ZFPM2: variants seen among roughly 807,000 people sequenced by gnomAD.
ZFPM2 encodes zinc finger protein ZFPM2.
ZFPM2 carries 20 observed loss-of-function variants against 98.6 expected under a neutral mutation model. The ratio of observed to expected loss-of-function variants is 0.20; its 90% CI spans 0.14 to 0.29. The LOEUF (loss-of-function observed/expected upper bound fraction) is 0.29. Ranked by LOEUF, ZFPM2 falls within the 10% of genes least tolerant of loss-of-function variation. The pLI, the probability that ZFPM2 is intolerant of heterozygous loss-of-function variation, is 1.00. For synonymous variants in ZFPM2, 518 were observed against 502.7 expected, an observed-to-expected ratio of 1.03 and a Z score of -0.41; for missense variants, 1,310 against 1,388.6, an observed-to-expected ratio of 0.94 and a Z score of 0.90.
intron 3 of ZFPM2, among the ~76,000 whole-genome samples, chr8:105,521,583 C>CT (rs796280074): frequency 0.044 from 6,474 of 146,526 alleles, 453 homozygotes; most frequent in African/African-American, 0.15. Flanking sequence ...GTGAAACTTT[C>CT]TTTTTTTTTT....
chr8:105,500,168 T>C (rs1813560518), intron 3 of ZFPM2, among the ~76,000 whole-genome samples: 1 of 152,226 alleles, frequency 6.6e-6, no homozygotes, highest in Non-Finnish European at 1.5e-5. Flanking sequence ...ATAATTGTGA[T>C]AATTTAATGA....
chr8:105,420,268 C>G (rs1434291161), intron 2 of ZFPM2, among the ~76,000 whole-genome samples: 3 of 151,876 alleles, frequency 2.0e-5, no homozygotes, highest in Non-Finnish European at 4.4e-5. Flanking sequence ...TTCATAGTCT[C>G]AAATCAAGAG....
intron 1 of ZFPM2, among the ~76,000 whole-genome samples, chr8:105,406,327 T>TGA (rs1811458627): frequency 6.6e-6 from 1 of 152,116 alleles, no homozygotes; most frequent in Non-Finnish European, 1.5e-5. Flanking sequence ...TTGCTTTTGG[T>TGA]GTTTTAAACA....
intron 1 of ZFPM2, among the ~76,000 whole-genome samples, chr8:105,374,684 C>T (rs565916743): frequency 3.9e-5 from 6 of 152,060 alleles, no homozygotes; most frequent in Admixed American, 1.3e-4. Context: ...GGTAGTGTCA[C>T]AGGTGAGGAG....
At chr8:105,584,223 ATG>A (rs1283745130) in intron 4 of ZFPM2, among the ~76,000 whole-genome samples, 1 of 152,196 alleles carries the variant, frequency 6.6e-6, no homozygotes, top group Non-Finnish European at 1.5e-5. Flanking sequence ...TAGTAATTAA[ATG>A]TTTTTAAGGT....
intron 3 of ZFPM2, among the ~76,000 whole-genome samples, chr8:105,494,973 T>C (rs1813431690): frequency 6.6e-6 from 1 of 152,216 alleles, no homozygotes; most frequent in Admixed American, 6.5e-5. Flanking sequence ...TATATAATAT[T>C]CACATATCAT....
At chr8:105,424,152 CA>C (rs1451030241) in intron 2 of ZFPM2, among the ~76,000 whole-genome samples, 3 of 152,118 alleles carry the variant, frequency 2.0e-5, no homozygotes, top group South Asian at 4.1e-4. Flanking sequence ...TATTGAATTA[CA>C]AAAAACAAAG....
chr8:105,515,911 C>CTT (rs34183654), intron 3 of ZFPM2, among the ~76,000 whole-genome samples: 1,026 of 89,148 alleles, frequency 0.012, 12 homozygotes, highest in Non-Finnish European at 0.012. Context: ...AAAACAACTT[C>CTT]TTTTTTTTTT....
chr8:105,738,307 T>C (rs1365447496), intron 5 of ZFPM2, among the ~76,000 whole-genome samples: 2 of 152,064 alleles, frequency 1.3e-5, no homozygotes, highest in Non-Finnish European at 2.9e-5. Context: ...TTGCTAAGGA[T>C]AGTGGTCTCT....
intron 4 of ZFPM2, among the ~76,000 whole-genome samples, chr8:105,629,173 G>A (rs940874531): frequency 1.3e-5 from 2 of 152,196 alleles, no homozygotes; most frequent in African/African-American, 2.4e-5. Context: ...CACTGAAGCG[G>A]CTGACTGGTT....
At chr8:105,569,362 C>T (rs1420239386) in intron 4 of ZFPM2, among the ~76,000 whole-genome samples, 1 of 152,140 alleles carries the variant, frequency 6.6e-6, no homozygotes, top group Admixed American at 6.6e-5. Flanking sequence ...TATTCAAGAC[C>T]CTGCATCCTT....
intron 1 of ZFPM2, among the ~76,000 whole-genome samples, chr8:105,366,100 T>A (rs537026839): frequency 6.6e-6 from 1 of 152,180 alleles, no homozygotes; most frequent in Admixed American, 6.5e-5. Flanking sequence ...AATGATACTA[T>A]CATATCTCAA....
In ZFPM2 at chr8:105,802,855, C is replaced by G. The variant is rs373935740; in HGVS notation, c.2773C>G (p.Pro925Ala). 6 of 1,613,576 alleles carry G rather than the reference C, an allele frequency of 3.7e-6. No individual in the cohort carries two copies. The African/African-American group carries it at 4.0e-5, about 11-fold the overall frequency. ...TGAGAAAAATGGGAATTTGAAGCAG[C>G]CTTCCCCCAATGGAAACTTATTTTC... ...KCEKNGNLKQ[P>A]SPNGNLFSSH... Residue 925 changes from proline to alanine, a missense_variant, in exon 8 of 8, where the codon CCT becomes GCT. Transcript: ENST00000407775.
At chr8:105,425,268 A>G (rs1158500447) in intron 2 of ZFPM2, among the ~76,000 whole-genome samples, 1 of 152,208 alleles carries the variant, frequency 6.6e-6, no homozygotes, top group East Asian at 1.9e-4. Flanking sequence ...CATAGTTTGT[A>G]TACGCCTGGA....
intron 5 of ZFPM2, among the ~76,000 whole-genome samples, chr8:105,777,846 T>C (rs1258309265): frequency 6.6e-6 from 1 of 152,186 alleles, no homozygotes; most frequent in Non-Finnish European, 1.5e-5. Context: ...ATAAGCAATT[T>C]TATTATAGAA....
At chr8:105,683,839 G>A (rs1333028268) in intron 5 of ZFPM2, among the ~76,000 whole-genome samples, 4 of 152,124 alleles carry the variant, frequency 2.6e-5, no homozygotes, top group Non-Finnish European at 5.9e-5. Context: ...CCCAATTCGT[G>A]TGTTTAGCAC....
intron 4 of ZFPM2, among the ~76,000 whole-genome samples, chr8:105,611,792 G>A (rs749490961): frequency 3.3e-5 from 5 of 151,206 alleles, no homozygotes; most frequent in Non-Finnish European, 5.9e-5. Flanking sequence ...TCCACCTCCC[G>A]GGTTCAAGCG....
intron 3 of ZFPM2, among the ~76,000 whole-genome samples, chr8:105,553,125 TA>T (rs1814902577): frequency 6.6e-6 from 1 of 152,108 alleles, no homozygotes; most frequent in South Asian, 2.1e-4. Context: ...GTGTTGTTTT[TA>T]AAAACACTTA....
At chr8:105,496,105 A>G (rs1157900018) in intron 3 of ZFPM2, among the ~76,000 whole-genome samples, 2 of 152,144 alleles carry the variant, frequency 1.3e-5, no homozygotes, top group African/African-American at 4.8e-5. Flanking sequence ...GTCTTTCCCT[A>G]TTCTAAGATC....
Sources: allele counts gnomAD v4.1 joint callset (sites outside exome capture counted in the v4.1 genomes callset), GRCh38; gene constraint gnomAD v4.1.1; transcripts MANE v1.5; gene names NCBI Gene and HGNC (gene_info 2026-07-23, HGNC 2026-07-21).